CD5: variants seen among roughly 807,000 people sequenced by gnomAD.
The protein encoded by CD5 is CD5 molecule, also known as T-cell surface glycoprotein CD5.
Under a neutral mutation model 60.3 loss-of-function variants are expected in CD5, and 36 were observed. The ratio of observed to expected loss-of-function variants is 0.60; its 90% CI spans 0.46 to 0.79. The LOEUF is 0.79. CD5 is among the 30% of genes least tolerant of loss of function. CD5 has a pLI of 0.00. For missense variants in CD5, 540 were observed against 630.6 expected, an observed-to-expected ratio of 0.86 and a Z score of 1.54; for synonymous variants, 230 against 257.6, an observed-to-expected ratio of 0.89 and a Z score of 1.03.
chr11:61,124,559 G>T (rs1160349048), intron 8 of CD5, among the ~76,000 whole-genome samples: 1 of 151,838 alleles, frequency 6.6e-6, no homozygotes, highest in African/African-American at 2.4e-5. Context: ...CACCCTAATG[G>T]ATGGAGACAT....
At chr11:61,105,366 C>T (rs559720387) in intron 1 of CD5, among the ~76,000 whole-genome samples, 6 of 152,346 alleles carry the variant, frequency 3.9e-5, no homozygotes, top group African/African-American at 1.4e-4. Context: ...CTGCCACTTA[C>T]CAACTGGGCG....
intron 1 of CD5, among the ~76,000 whole-genome samples, chr11:61,111,273 G>C (rs1176341641): frequency 6.6e-6 from 1 of 152,160 alleles, no homozygotes. Context: ...GGGTGGCTGG[G>C]AGCAGAGAGC....
chr11:61,096,626 G>A, the CD5 span, among the ~76,000 whole-genome samples: 2 of 152,206 alleles, frequency 1.3e-5, no homozygotes, highest in African/African-American at 4.8e-5. Flanking sequence ...TTAGCAAGTT[G>A]AGAACCACCA....
At chr11:61,094,226 A>G in the CD5 span, among the ~76,000 whole-genome samples, 5 of 151,878 alleles carry the variant, frequency 3.3e-5, no homozygotes, top group Non-Finnish European at 4.4e-5. Context: ...GCCTCGTCAG[A>G]GCAGTGCATG....
At chr11:61,096,303 T>C in the CD5 span, among the ~76,000 whole-genome samples, 1 of 152,326 alleles carries the variant, frequency 6.6e-6, no homozygotes, top group Middle Eastern at 3.4e-3. Flanking sequence ...TGAGGGAGCT[T>C]TGTTCAATCT....
chr11:61,105,348 A>G lies in CD5; in HGVS notation c.55+2733A>G, dbSNP rs539804237. ...GAAAGTCATGGACTCTGCAGTTTGA[A>G]TTCCAGTCTGCCACTTACCAACTGG... On this transcript the variant is annotated intron_variant, in intron 1 of 10. Coordinates refer to ENST00000347785, the MANE Select transcript of CD5 (RefSeq NM_014207.4). Among the ~76,000 whole-genome samples the G allele has an allele frequency of 2.6e-5, 4 of 152,362 alleles. No individual in the cohort carries two copies. In the South Asian group the frequency reaches 8.3e-4, roughly 32 times the overall value.
At chr11:61,116,480 T>C (rs1294542899) in intron 2 of CD5, among the ~76,000 whole-genome samples, 107 of 48,524 alleles carry the variant, frequency 2.2e-3, no homozygotes, top group African/African-American at 2.8e-3. Flanking sequence ...GCACACCACA[T>C]ACACACCCCA....
chr11:61,113,439 G>A (rs1486155115), intron 1 of CD5, among the ~76,000 whole-genome samples: 1 of 152,206 alleles, frequency 6.6e-6, no homozygotes, highest in Non-Finnish European at 1.5e-5. Context: ...GTCCACATGG[G>A]GGAAGGCTGG....
At chr11:61,096,563 C>T in the CD5 span, among the ~76,000 whole-genome samples, 2 of 152,196 alleles carry the variant, frequency 1.3e-5, no homozygotes, top group African/African-American at 2.4e-5. Context: ...AGATAGCTCA[C>T]CAGTTCTTGT....
At chr11:61,094,141 C>T in the CD5 span, among the ~76,000 whole-genome samples, 1 of 151,912 alleles carries the variant, frequency 6.6e-6, no homozygotes, top group Non-Finnish European at 1.5e-5. Context: ...GGAGCATCCC[C>T]GCGGGGAACT....
intron 2 of CD5, among the ~76,000 whole-genome samples, chr11:61,117,551 C>T (rs185045031): frequency 2.9e-3 from 441 of 152,024 alleles, no homozygotes; most frequent in Middle Eastern, 6.8e-3. Context: ...TGCAGTGGCG[C>T]GATCTTGGCT....
chr11:61,095,887 T>A, the CD5 span, among the ~76,000 whole-genome samples: 3 of 152,250 alleles, frequency 2.0e-5, no homozygotes, highest in East Asian at 3.8e-4. Context: ...ATGATTAACA[T>A]GGCCTTACTT....
At chr11:61,096,214 A>G in the CD5 span, among the ~76,000 whole-genome samples, 3 of 152,228 alleles carry the variant, frequency 2.0e-5, no homozygotes, top group Non-Finnish European at 4.4e-5. Context: ...TGTTGTAAGG[A>G]AGTAGGGCAT....
chr11:61,118,611 C>A lies in CD5; in HGVS notation c.400+131C>A, dbSNP rs555196929. The A allele has an allele frequency of 9.4e-6, 8 of 849,198 alleles. No individual in the cohort carries two copies. In the South Asian group the frequency reaches 1.3e-4, roughly 14 times the overall value. 52.6% of individuals were successfully genotyped at this position (849,198 alleles called of 1,614,324 possible). Reference sequence around the variant, plus strand: ...GGGGGGACCCCAGTTTATAACCACTCCCCAAGACACATACCCAGGAGGGGG... The same window carrying A: ...GGGGGGACCCCAGTTTATAACCACTACCCAAGACACATACCCAGGAGGGGG... On this transcript the variant is annotated intron_variant, in intron 3 of 10. Transcript: ENST00000347785. This position sits in a 1 kb window ranked among gnomAD's most constrained non-coding sequence, Gnocchi z 4.7.
At chr11:61,117,233 C>T (rs1860979081) in intron 2 of CD5, among the ~76,000 whole-genome samples, 1 of 152,138 alleles carries the variant, frequency 6.6e-6, no homozygotes, top group South Asian at 2.1e-4. Flanking sequence ...AAAATAAAAT[C>T]CATGCTGTAT....
In CD5 at chr11:61,119,304, C is replaced by A. The variant is rs191860843; in HGVS notation, c.534C>A (p.Ser178Arg). The stretch of plus-strand genomic sequence containing the variant: ...GTGCCGGCGTGGTGGAGTTCTACAG[C>A]GGCAGCCTGGGGGGTACCATCAGCT... ...QHCAGVVEFYSGSLGGTISYE... is the reference protein window; with the variant it reads ...QHCAGVVEFYRGSLGGTISYE... The change falls in exon 5 of 11, where the codon AGC becomes AGA. Residue 178 changes from serine to arginine, a missense_variant. Ser to Arg is a moderately radical substitution (Grantham distance 110, BLOSUM62 -1). Coordinates refer to ENST00000347785, the MANE Select transcript of CD5 (RefSeq NM_014207.4). 6.2e-6 allele frequency: 10 copies of A among 1,613,684 alleles called. No homozygotes were observed. The highest frequency in any genetic ancestry group is 8.5e-7 in the Non-Finnish European group (1 of 1,179,996).
Position 61,125,655 on chromosome 11 carries a change from T to C in CD5, c.1400-96T>C, listed in dbSNP as rs971320125. 1.8e-4 allele frequency: 134 copies of C among 745,194 alleles called. 2 individuals carry two copies. The South Asian group carries it at 2.4e-3, about 14-fold the overall frequency. The allele number at this position is 745,194 out of a possible 1,614,324, so 46.2% of individuals were successfully genotyped here. A position where few individuals can be genotyped will look rare whatever the true frequency, so the allele number is the denominator to read the frequency against. ...GGTTGTCACCGGCTCATAAAGCCCC[T>C]GTGATCTTCCAACCCACTGTGGGCA... On this transcript the variant is annotated intron_variant, in intron 9 of 10. Coordinates refer to ENST00000347785, the MANE Select transcript of CD5 (RefSeq NM_014207.4).
upstream of CD5, chr11:61,102,274 T>G: frequency 4.0e-6 from 2 of 495,424 alleles, no homozygotes; most frequent in South Asian, 4.2e-5. Context: ...GGCCTTGTCC[T>G]GTGTGGGGGT....
At chr11:61,106,006 T>C (rs1364659565) in intron 1 of CD5, among the ~76,000 whole-genome samples, 2 of 151,430 alleles carry the variant, frequency 1.3e-5, no homozygotes, top group East Asian at 1.9e-4. Flanking sequence ...GCACCTGTAA[T>C]GCCAGCTACT....
Sources: allele counts gnomAD v4.1 joint callset (sites outside exome capture counted in the v4.1 genomes callset), GRCh38; gene constraint gnomAD v4.1.1; non-coding constraint Gnocchi (gnomAD v3.1); transcripts MANE v1.5; gene names NCBI Gene and HGNC (gene_info 2026-07-23, HGNC 2026-07-21).